ZNF276: variants seen among roughly 807,000 people sequenced by gnomAD.
The protein encoded by ZNF276 is centromere protein Z.
Under a neutral mutation model 63.9 loss-of-function variants are expected in ZNF276, and 59 were observed. That is an observed-to-expected ratio of 0.92 (90% CI 0.75 to 1.15). ZNF276 has a LOEUF of 1.15. Ranked by LOEUF, ZNF276 falls within the 50% of genes most tolerant of loss-of-function variation. ZNF276 has a pLI of 0.00. For synonymous variants in ZNF276, 496 were observed against 348.4 expected (o/e 1.42, Z -4.72); for missense variants, 1,084 against 843.8 (o/e 1.28, Z -3.53).
chr16:89,729,262 C>G lies in ZNF276; in HGVS notation c.1113C>G (p.Asp371Glu), dbSNP rs753254438. ...EGDVLSEDEN[D>E]KKQNAQSSDE... ...ACGTCTTGAGTGAAGATGAAAATGA[C>G]AAGAAGCAAAATGCCCAGTCTTCGG... Residue 371 changes from aspartate to glutamate, a missense_variant, in exon 6 of 11, where the codon GAC becomes GAG. Transcript: ENST00000443381. The G allele has an allele frequency of 2.0e-5, 32 of 1,614,008 alleles. No homozygotes were observed. Among genetic ancestry groups the G allele is most frequent in the South Asian group, 7.7e-5 (7 of 91,086 alleles).
Position 89,739,697 on chromosome 16 carries a change from C to A in ZNF276, c.*1451C>A. ...GGGCGAACAGCCTGAGCTGAGGATA[C>A]CCAGGTACCTGTCAGCAGCTGGGAG... On this transcript the variant is annotated 3_prime_UTR_variant, in exon 11 of 11. Coordinates refer to ENST00000443381, the MANE Select transcript of ZNF276 (RefSeq NM_001113525.2). The A allele has an allele frequency of 1.3e-6, 2 of 1,512,854 alleles. No homozygotes were observed. Among genetic ancestry groups the A allele is most frequent in the Non-Finnish European group, 1.8e-6 (2 of 1,125,532 alleles). 93.7% of individuals were successfully genotyped at this position (1,512,854 alleles called of 1,614,324 possible).
At chr16:89,723,075 A>G in intron 2 of ZNF276, 62 bp from the exon 3 acceptor site, 1 of 1,612,170 alleles carries the variant, frequency 6.2e-7, no homozygotes, top group Non-Finnish European at 8.5e-7. Flanking sequence ...AGGGTCCCGT[A>G]CGACGAGCGC....
At chr16:89,729,865 C>T (rs553672253) in intron 6 of ZNF276, among the ~76,000 whole-genome samples, 3 of 152,326 alleles carry the variant, frequency 2.0e-5, no homozygotes, top group Non-Finnish European at 4.4e-5. Flanking sequence ...TTTATTTTCT[C>T]TCTTCAGTTA....
rs2061567618 is a variant in ZNF276, at chr16:89,729,219, C to G, written c.1086-16C>G. The G allele has an allele frequency of 1.2e-6, 2 of 1,612,560 alleles. No individual in the cohort carries two copies. Among genetic ancestry groups the G allele is most frequent in the South Asian group, 1.1e-5 (1 of 91,044 alleles). On this transcript the variant is annotated splice_polypyrimidine_tract_variant and intron_variant, in intron 5 of 10. Coordinates refer to ENST00000443381, the MANE Select transcript of ZNF276 (RefSeq NM_001113525.2). ...CAGGCCCAGGGCTTTGCTGAAGATTCTCTCTTAATTCCTAGAGACGTCTTG... is the reference window on the plus strand; with the variant it reads ...CAGGCCCAGGGCTTTGCTGAAGATTGTCTCTTAATTCCTAGAGACGTCTTG...
rs771117019 is a variant in ZNF276, at chr16:89,723,506, C to T, written c.803C>T (p.Ala268Val). 20 of 1,612,778 alleles carry T rather than the reference C, an allele frequency of 1.2e-5. No homozygotes were observed. Among genetic ancestry groups the T allele is most frequent in the East Asian group, 1.1e-4 (5 of 44,890 alleles). Reference sequence around the variant, plus strand: ...AAGTGGCCATGGGACAAAGAGACGGCGCCACGGCTGCCCCAGCACCGAGGG... The same window carrying T: ...AAGTGGCCATGGGACAAAGAGACGGTGCCACGGCTGCCCCAGCACCGAGGG... ...AVKWPWDKETAPRLPQHRGWN... is the reference protein window; with the variant it reads ...AVKWPWDKETVPRLPQHRGWN... Residue 268 changes from alanine (A) to valine (V), a missense_variant, in exon 4 of 11, where the codon GCG (alanine) becomes GTG (valine). By Grantham distance (64) the Ala-to-Val change is moderately conservative (BLOSUM62 0). Transcript: ENST00000443381.
In ZNF276 at chr16:89,726,619, C is replaced by T. The variant is rs550862548; in HGVS notation, c.1007-660C>T. On this transcript the variant is annotated intron_variant, in intron 4 of 10. Coordinates refer to ENST00000443381, the MANE Select transcript of ZNF276 (RefSeq NM_001113525.2). Reference sequence around the variant, plus strand: ...GTGCTGGGATTACAGGCGTGAGCCACTGCACCCGGACTGAGAATAGTAATT... The same window carrying T: ...GTGCTGGGATTACAGGCGTGAGCCATTGCACCCGGACTGAGAATAGTAATT... 2.0e-5 allele frequency among the ~76,000 whole-genome samples: 3 copies of T among 152,130 alleles called. No homozygotes were observed. In the South Asian group the frequency reaches 6.2e-4, roughly 32 times the overall value.
At chr16:89,734,457 C>G (rs998175634) in intron 9 of ZNF276, among the ~76,000 whole-genome samples, 2 of 152,172 alleles carry the variant, frequency 1.3e-5, no homozygotes, top group Admixed American at 1.3e-4. Flanking sequence ...TCCCAAGTAG[C>G]TGGGATTACA....
rs763667996 is a variant in ZNF276, at chr16:89,722,827, T to C, written c.502T>C (p.Cys168Arg). Residue 168 changes from cysteine to arginine, a missense_variant, in exon 2 of 11, where the codon TGT becomes CGT. Coordinates refer to ENST00000443381, the MANE Select transcript of ZNF276 (RefSeq NM_001113525.2). ...NASPAGRRKP[C>R]AKVGAQPPTG... is the part of the protein sequence containing the mutation. ...CTCCCCGGCTGGTCGCCGGAAGCCT[T>C]GTGCAAAGTACGCCCTAGTCTGTTC... 1.6e-5 allele frequency: 25 copies of C among 1,601,992 alleles called. No homozygotes were observed. Among genetic ancestry groups the C allele is most frequent in the Non-Finnish European group, 1.8e-5 (21 of 1,179,782 alleles).
At chr16:89,721,526 G>C, upstream of ZNF276, 2 of 903,660 alleles carry the variant, frequency 2.2e-6, no homozygotes, top group Non-Finnish European at 3.0e-6. Context: ...TTCTCGCTCC[G>C]CCCCTCCCCC....
At position 89,736,208 on chromosome 16, in the gene ZNF276, T is replaced by G. The variant is rs184339524; in HGVS notation, c.1475-1598T>G. The stretch of plus-strand genomic sequence containing the variant: ...GCCTGGGTAATTTTTCTATTTTTAG[T>G]AGAGAGGCAGGTTTTGCTATGTTGG... On this transcript the variant is annotated intron_variant, in intron 9 of 10. Transcript: ENST00000443381. Among the ~76,000 whole-genome samples the G allele has an allele frequency of 3.2e-3, 491 of 152,218 alleles. 2 individuals carry two copies. Among genetic ancestry groups the G allele is most frequent in the African/African-American group, 0.011 (473 of 41,526 alleles).
chr16:89,735,216 C>G (rs2061816526), intron 9 of ZNF276, among the ~76,000 whole-genome samples: 1 of 151,316 alleles, frequency 6.6e-6, no homozygotes, highest in South Asian at 2.1e-4. Context: ...CTGCCTTTTC[C>G]TAAGTGCAGG....
chr16:89,739,436 G>A lies in ZNF276; in HGVS notation c.*1190G>A. The A allele has an allele frequency of 6.4e-7, 1 of 1,554,280 alleles. No homozygotes were observed. Among genetic ancestry groups the A allele is most frequent in the South Asian group, 1.2e-5 (1 of 84,734 alleles). ...CAGAGGTGCTGAGATGGGGGTCTGG[G>A]AAACACTGCCCAGCCCTGACCAGCC... On this transcript the variant is annotated 3_prime_UTR_variant, in exon 11 of 11. Transcript: ENST00000443381.
chr16:89,732,776 CCT>C (rs1467644719), intron 6 of ZNF276: 2 of 218,742 alleles, frequency 9.1e-6, no homozygotes, highest in African/African-American at 2.4e-5. Flanking sequence ...CTGTGTTCAC[CCT>C]GACCCTGCTG....
rs55811603 is a variant in ZNF276 at position 89,739,613 on chromosome 16, G to A, written c.*1367G>A. ...ACATCTCTGCCTATTATCAGTGCTGGGGACACCCCTGGGGGTCGGGACGTG... is the reference window on the plus strand; with the variant it reads ...ACATCTCTGCCTATTATCAGTGCTGAGGACACCCCTGGGGGTCGGGACGTG... On this transcript the variant is annotated 3_prime_UTR_variant, in exon 11 of 11. Transcript: ENST00000443381. 1.3e-6 allele frequency: 2 copies of A among 1,535,428 alleles called. No homozygotes were observed. The highest frequency in any genetic ancestry group is 1.4e-5 in the African/African-American group (1 of 72,862).
intron 4 of ZNF276, among the ~76,000 whole-genome samples, chr16:89,725,834 A>T (rs1452874360): frequency 6.6e-6 from 1 of 152,182 alleles, no homozygotes; most frequent in East Asian, 1.9e-4. Flanking sequence ...TTAAGTAGAG[A>T]CAGGGTCTCA....
intron 6 of ZNF276, chr16:89,732,592 T>A (rs979537357): frequency 2.2e-5 from 4 of 183,788 alleles, no homozygotes; most frequent in African/African-American, 7.2e-5. Context: ...AAGCTTTAGT[T>A]CTCAGAACCC....
chr16:89,735,895 G>GTTTTTTTTTT lies in ZNF276; in HGVS notation c.1474+1860_1474+1861insTTTTTTTTTT, dbSNP rs202205113. Among the ~76,000 whole-genome samples the GTTTTTTTTTT allele has an allele frequency of 1.4e-5, 2 of 142,888 alleles. 1 individual carries two copies. 93.7% of individuals were successfully genotyped at this position (142,888 alleles called of 152,430 possible). ...ACGCCGGGGGTGTTTTTTTTTGTTT[G>GTTTTTTTTTT]TTTGTTTGTTTTTTTGACTGAGTCT... On this transcript the variant is annotated intron_variant, in intron 9 of 10. Coordinates refer to ENST00000443381, the MANE Select transcript of ZNF276 (RefSeq NM_001113525.2).
chr16:89,739,404 C>T lies in ZNF276; in HGVS notation c.*1158C>T, dbSNP rs1041955692. On this transcript the variant is annotated 3_prime_UTR_variant, in exon 11 of 11. Coordinates refer to ENST00000443381, the MANE Select transcript of ZNF276 (RefSeq NM_001113525.2). Reference sequence around the variant, plus strand: ...GGCACAGACAACCCTTCCCATCTGGCGGGACCCAGAGGTGCTGAGATGGGG... The same window carrying T: ...GGCACAGACAACCCTTCCCATCTGGTGGGACCCAGAGGTGCTGAGATGGGG... 9.0e-6 allele frequency: 14 copies of T among 1,561,158 alleles called. No homozygotes were observed. The highest frequency in any genetic ancestry group is 1.4e-5 in the African/African-American group (1 of 74,000).
chr16:89,734,584 G>A (rs1204268137), intron 9 of ZNF276, among the ~76,000 whole-genome samples: 2 of 152,138 alleles, frequency 1.3e-5, no homozygotes, highest in African/African-American at 2.4e-5. Context: ...CTTCCAAAGT[G>A]CAGAGATTAC....
Sources: gnomAD v4.1 joint callset for allele counts (sites outside exome capture counted in the v4.1 genomes callset) on GRCh38, gnomAD v4.1.1 for gene constraint, MANE v1.5 for transcripts, NCBI Gene and HGNC (gene_info 2026-07-23, HGNC 2026-07-21) for gene names.